NOTCH1: variants seen among roughly 807,000 people sequenced by gnomAD.
NOTCH1 encodes the protein neurogenic locus notch homolog protein 1.
Under a neutral mutation model 254.8 loss-of-function variants are expected in NOTCH1, and 37 were observed. That is an observed-to-expected ratio of 0.15 (90% CI 0.11 to 0.19). NOTCH1 has a LOEUF of 0.19. NOTCH1 is among the 10% of genes least tolerant of loss of function. The pLI, the probability that NOTCH1 is intolerant of heterozygous loss-of-function variation, is 1.00. For synonymous variants in NOTCH1, 1,731 were observed against 1,618.1 expected (o/e 1.07, Z -1.68); for missense variants, 2,972 against 3,708.6 (o/e 0.80, Z 5.16).
At chr9:136,509,706 C>T (rs1346799844) in intron 18 of NOTCH1, 27 bp downstream of exon 18, 16 of 1,604,478 alleles carry the variant, frequency 1.0e-5, no homozygotes, top group Non-Finnish European at 1.4e-5. Context: ...CCGTTCCCTT[C>T]CACGGCCTCA....
intron 22 of NOTCH1, 92 bp downstream of exon 22, chr9:136,507,213 C>T (rs2133344878): frequency 6.3e-7 from 1 of 1,598,246 alleles, no homozygotes; most frequent in East Asian, 2.2e-5. Context: ...CTGGCTGGTT[C>T]CTGGATGCCT....
chr9:136,510,529 C>CCCTCCCCGGCCACACTCCGG (rs1843162301), intron 17 of NOTCH1, 124 bp downstream of exon 17: 2 of 1,338,288 alleles, frequency 1.5e-6, no homozygotes, highest in South Asian at 2.5e-5. Context: ...CCTGACCCAA[C>CCCTCCCCGGCCACACTCCGG]CCTCCCCGGC....
In NOTCH1 at chr9:136,501,455, A is replaced by AG. The variant is rs147497182; in HGVS notation, c.5638+292_5638+293insC. ...TCTCAAAAACAAAAAAAAAAGAAAA[A>AG]AAAAAAGAAAAAGAAAATCAACGCT... On this transcript the variant is annotated intron_variant, in intron 30 of 33. Transcript: ENST00000651671. 0.017 allele frequency among the ~76,000 whole-genome samples: 2,584 copies of AG among 151,476 alleles called. 46 individuals carry two copies. Among genetic ancestry groups the AG allele is most frequent in the Middle Eastern group, 0.054 (16 of 294 alleles).
chr9:136,528,564 A>G (rs947746035), intron 2 of NOTCH1, among the ~76,000 whole-genome samples: 2 of 147,048 alleles, frequency 1.4e-5, no homozygotes. Flanking sequence ...TGGGACGGGC[A>G]GGGACAGTGC....
At chr9:136,528,695 A>T (rs973346618) in intron 2 of NOTCH1, among the ~76,000 whole-genome samples, 5 of 151,828 alleles carry the variant, frequency 3.3e-5, no homozygotes, top group Non-Finnish European at 5.9e-5. Context: ...ATCTTAACAC[A>T]TCCCACCTGC....
chr9:136,532,858 G>A (rs915057544), intron 2 of NOTCH1, among the ~76,000 whole-genome samples: 16 of 152,332 alleles, frequency 1.1e-4, no homozygotes, highest in Non-Finnish European at 1.8e-4. Context: ...GGAAGGTCTC[G>A]TGGGGGTGGC....
intron 6 of NOTCH1, 41 bp from the exon 7 acceptor site, chr9:136,518,333 C>T: frequency 5.0e-6 from 8 of 1,586,956 alleles, no homozygotes; most frequent in South Asian, 1.1e-5. Context: ...GCCCCTGGGC[C>T]AGGCATGGCA....
chr9:136,495,300 G>T lies in NOTCH1; in HGVS notation c.*771C>A, dbSNP rs1842899480. Reference sequence around the variant, plus strand: ...GCCGGGGTGGTTCTGGAGGGACCAAGAACTTGTATAACCAACGAACAACTA... The same window carrying T: ...GCCGGGGTGGTTCTGGAGGGACCAATAACTTGTATAACCAACGAACAACTA... On this transcript the variant is annotated 3_prime_UTR_variant, in exon 34 of 34. Coordinates refer to ENST00000651671, the MANE Select transcript of NOTCH1 (RefSeq NM_017617.5). The T allele has an allele frequency of 2.5e-6, 1 of 398,992 alleles. No homozygotes were observed. Among genetic ancestry groups the T allele is most frequent in the East Asian group, 3.5e-5 (1 of 28,224 alleles). The allele number at this position is 398,992 out of a possible 1,614,324, so 24.7% of individuals were successfully genotyped here.
intron 3 of NOTCH1, 135 bp downstream of exon 3, chr9:136,523,582 A>G (rs1449587684): frequency 1.7e-6 from 2 of 1,149,732 alleles, no homozygotes; most frequent in South Asian, 1.5e-5. Context: ...GGGGGCAGGG[A>G]CCCTGGGGCA....
At chr9:136,503,075 C>G in intron 27 of NOTCH1, 107 bp downstream of exon 27, 1 of 1,520,824 alleles carries the variant, frequency 6.6e-7, no homozygotes, top group Non-Finnish European at 9.0e-7. Flanking sequence ...GACGGCAACG[C>G]TCACACCCGT....
rs774370334 is a variant in NOTCH1, at chr9:136,496,780, G to A, written c.6959C>T (p.Pro2320Leu). The A allele has an allele frequency of 8.7e-6, 14 of 1,612,718 alleles. No homozygotes were observed. Among genetic ancestry groups the A allele is most frequent in the Middle Eastern group, 1.7e-4 (1 of 6,032 alleles). ...WLSRLQSGMV[P>L]NQYNPLRGSV... ...CCCCCGCAGAGGGTTGTATTGGTTCGGCACCATGCCGCTCTGCAGCCGGGA... is the reference window on the plus strand; with the variant it reads ...CCCCCGCAGAGGGTTGTATTGGTTCAGCACCATGCCGCTCTGCAGCCGGGA... Residue 2320 changes from proline (P) to leucine (L), a missense_variant, in exon 34 of 34, where the codon CCG (proline) becomes CTG (leucine). Physicochemically the swap from Pro to Leu is moderately conservative, Grantham distance 98. This residue lies in a region of NOTCH1 where 529 missense variants were observed against 529.2 expected (regional missense o/e 1.00). Transcript: ENST00000651671.
chr9:136,543,839 G>T (rs997624260), intron 2 of NOTCH1, 185 bp downstream of exon 2: 1 of 688,638 alleles, frequency 1.5e-6, no homozygotes, highest in Admixed American at 2.1e-5. Flanking sequence ...AGCTCCACAC[G>T]CAGCATAATT....
chr9:136,504,377 G>A (rs1843044220), intron 26 of NOTCH1, among the ~76,000 whole-genome samples: 1 of 152,294 alleles, frequency 6.6e-6, no homozygotes, highest in African/African-American at 2.4e-5. Context: ...AGTGCCTAAG[G>A]CACAGCTCAA....
chr9:136,507,491 G>A (rs1589060416), intron 21 of NOTCH1, 54 bp from the exon 22 acceptor site: 1 of 1,560,730 alleles, frequency 6.4e-7, no homozygotes, highest in African/African-American at 1.4e-5. Context: ...CCAGGATGCA[G>A]TGCTCCCACA....
intron 2 of NOTCH1, among the ~76,000 whole-genome samples, chr9:136,528,608 C>T (rs1843512106): frequency 6.6e-6 from 1 of 150,662 alleles, no homozygotes; most frequent in African/African-American, 2.4e-5. Flanking sequence ...GCTGCACTTC[C>T]CAGAGGGGAA....
In NOTCH1 at chr9:136,505,372, C is replaced by G. The variant is rs2133338749; in HGVS notation, c.4524G>C (p.Gln1508His). The change falls in exon 25 of 34, where the codon CAG becomes CAC. Residue 1508 changes from glutamine (Q) to histidine (H), a missense_variant. By Grantham distance (24) the Gln-to-His change is conservative. Coordinates refer to ENST00000651671, the MANE Select transcript of NOTCH1 (RefSeq NM_017617.5). ...CGAAGAGGCAGCCGGCTGAGTTGCA[C>G]TGGCTGTCACAGTGGCCGTCACTGA... ...KYFSDGHCDS[Q>H]CNSAGCLFDG... 6.2e-7 allele frequency: 1 copy of G among 1,610,182 alleles called. No individual in the cohort carries two copies.
At chr9:136,499,404 A>G (rs1589054755) in intron 31 of NOTCH1, 145 bp from the exon 32 acceptor site, 1 of 1,248,412 alleles carries the variant, frequency 8.0e-7, no homozygotes, top group Non-Finnish European at 1.1e-6. Flanking sequence ...GGGCAAGACG[A>G]AACGCCATGG....
intron 27 of NOTCH1, chr9:136,502,893 T>G (rs1490278772): frequency 1.6e-6 from 1 of 635,870 alleles, no homozygotes; most frequent in Admixed American, 2.3e-5. Flanking sequence ...CGTAATGATT[T>G]TGAAATAATA....
chr9:136,543,542 G>A, intron 2 of NOTCH1: 1 of 316,296 alleles, frequency 3.2e-6, no homozygotes, highest in Non-Finnish European at 6.1e-6. Flanking sequence ...CTGTGCCAGA[G>A]GAGGCATCAC....
Sources: gnomAD v4.1 joint callset for allele counts (sites outside exome capture counted in the v4.1 genomes callset) on GRCh38, gnomAD v4.1.1 for gene constraint, gnomAD v4.1.1 regional missense constraint, MANE v1.5 for transcripts, NCBI Gene and HGNC (gene_info 2026-07-23, HGNC 2026-07-21) for gene names.